GSN: variants seen among roughly 807,000 people sequenced by gnomAD.
GSN encodes the protein actin-depolymerizing factor.
Under a neutral mutation model 85.7 loss-of-function variants are expected in GSN, and 56 were observed. The ratio of observed to expected loss-of-function variants is 0.65; its 90% CI spans 0.53 to 0.82. GSN has a LOEUF of 0.82. Among genes scored for constraint, GSN ranks in the 40% least tolerant of loss-of-function variants. GSN has a pLI of 0.00. For synonymous variants in GSN, 373 were observed against 399.1 expected, an observed-to-expected ratio of 0.93 and a Z score of 0.78; for missense variants, 857 against 979.8, an observed-to-expected ratio of 0.87 and a Z score of 1.67.
At chr9:121,230,192 G>A (rs556174916) in intron 4 of GSN, among the ~76,000 whole-genome samples, 1 of 152,196 alleles carries the variant, frequency 6.6e-6, no homozygotes, top group East Asian at 1.9e-4. Context: ...TTTGTTTTCT[G>A]GTACCAGATA....
At position 121,321,264 on chromosome 9, in the gene GSN, G is replaced by A. The variant is rs1332132585; in HGVS notation, c.1192-4G>A. 2.5e-6 allele frequency: 4 copies of A among 1,613,906 alleles called. No homozygotes were observed. The highest frequency in any genetic ancestry group is 3.4e-6 in the Non-Finnish European group (4 of 1,180,004). On this transcript the variant is annotated splice_polypyrimidine_tract_variant and splice_region_variant and intron_variant, in intron 10 of 17. Transcript: ENST00000432226. ...AGCATCTGACTCCAGCTTTGCTCCT[G>A]CAGATCTGGAGAATCGAAGGTTCCA...
At chr9:121,327,031 G>T (rs1468635693) in intron 13 of GSN, 3 of 661,610 alleles carry the variant, frequency 4.5e-6, no homozygotes, top group South Asian at 1.6e-5. Flanking sequence ...GCAGCCTAGA[G>T]GGGAATGGGA....
chr9:121,239,545 A>G (rs1403656810), intron 5 of GSN: 6 of 287,200 alleles, frequency 2.1e-5, no homozygotes, highest in Middle Eastern at 4.5e-4. Flanking sequence ...GTAGTAACCC[A>G]GCAGCAGAGA....
At chr9:121,286,046 C>T in intron 2 of GSN, 6 of 1,422,728 alleles carry the variant, frequency 4.2e-6, no homozygotes, top group Non-Finnish European at 5.7e-6. Context: ...TGGCTTGGCA[C>T]AGCTATTTCC....
upstream of GSN, among the ~76,000 whole-genome samples, chr9:121,264,266 A>T (rs190696020): frequency 2.6e-5 from 4 of 152,090 alleles, no homozygotes; most frequent in East Asian, 7.7e-4. Flanking sequence ...CCAGTCTGGT[A>T]ACATAGAGAG....
At chr9:121,301,473 A>G (rs993556456) in intron 2 of GSN, among the ~76,000 whole-genome samples, 1 of 152,144 alleles carries the variant, frequency 6.6e-6, no homozygotes, top group African/African-American at 2.4e-5. Flanking sequence ...CTAAAAATAC[A>G]AAATTAGCCA....
rs1589249241 is a variant in GSN at position 121,329,445 on chromosome 9, G to T, written c.1965+130G>T. 4.2e-6 allele frequency: 3 copies of T among 708,294 alleles called. No individual in the cohort carries two copies. Among genetic ancestry groups the T allele is most frequent in the East Asian group, 5.3e-5 (2 of 37,464 alleles). The allele number at this position is 708,294 out of a possible 1,614,324, so 43.9% of individuals were successfully genotyped here. A position where few individuals can be genotyped will look rare whatever the true frequency, so the allele number is the denominator to read the frequency against. ...AGGTGTTGCCAGAAAAGTCTCTAAG[G>T]GTACTGGAAGTCACTTCTTCTTTCT... On this transcript the variant is annotated intron_variant, in intron 16 of 17. Coordinates refer to ENST00000432226, the MANE Select transcript of GSN (RefSeq NM_198252.3). The surrounding 1 kb of genome is among the most constrained non-coding windows in gnomAD (Gnocchi z 4.6).
chr9:121,315,359 T>C lies in GSN; in HGVS notation c.753+1336T>C, dbSNP rs2061593677. On this transcript the variant is annotated intron_variant, in intron 7 of 17. Transcript: ENST00000432226. ...CATTAGGATGTTCCACCTTTTCCAG[T>C]TGCAGACAGTCCCTCTTGGTGCACT... 1.3e-5 allele frequency among the ~76,000 whole-genome samples: 2 copies of C among 152,364 alleles called. 1 individual carries two copies. Among genetic ancestry groups the C allele is most frequent in the South Asian group, 4.1e-4 (2 of 4,832 alleles).
chr9:121,306,870 A>G (rs1564500302), intron 4 of GSN, among the ~76,000 whole-genome samples: 1 of 152,248 alleles, frequency 6.6e-6, no homozygotes, highest in Non-Finnish European at 1.5e-5. Flanking sequence ...CATGGCTGCA[A>G]TAATTCAACA....
chr9:121,286,683 A>AT, intron 2 of GSN: 1 of 1,535,136 alleles, frequency 6.5e-7, no homozygotes, highest in South Asian at 1.2e-5. Flanking sequence ...AAAGGAGACA[A>AT]TTTGTGATTG....
chr9:121,248,626 T>C (rs1286118027), intron 6 of GSN, among the ~76,000 whole-genome samples: 1 of 152,028 alleles, frequency 6.6e-6, no homozygotes, highest in African/African-American at 2.4e-5. Context: ...TAAAAATGGA[T>C]ACAATATGGA....
At chr9:121,282,267 A>T in intron 2 of GSN, 1 of 597,154 alleles carries the variant, frequency 1.7e-6, no homozygotes, top group Non-Finnish European at 3.0e-6. Flanking sequence ...GTGTGGACCC[A>T]ACGAGCTTGT....
chr9:121,293,655 G>T (rs1421425927), intron 2 of GSN, among the ~76,000 whole-genome samples: 1 of 145,552 alleles, frequency 6.9e-6, no homozygotes, highest in Non-Finnish European at 1.5e-5. Flanking sequence ...CCGAGATCAC[G>T]CCGCTGCACT....
chr9:121,325,860 A>G (rs2063091668), intron 12 of GSN, among the ~76,000 whole-genome samples: 1 of 152,074 alleles, frequency 6.6e-6, no homozygotes, highest in Admixed American at 6.6e-5. Flanking sequence ...AGTTCTCACC[A>G]TCAGGGTGGA....
intron 4 of GSN, among the ~76,000 whole-genome samples, chr9:121,215,027 CCTCT>C (rs1430645940): frequency 6.6e-6 from 1 of 152,116 alleles, no homozygotes; most frequent in Non-Finnish European, 1.5e-5. Context: ...AGCTGTGCTC[CCTCT>C]GAGACTGAGT....
At chr9:121,215,661 TCCAGCCTG>T (rs1236918278) in intron 4 of GSN, among the ~76,000 whole-genome samples, 11 of 151,064 alleles carry the variant, frequency 7.3e-5, no homozygotes, top group Non-Finnish European at 1.5e-5. Flanking sequence ...GCCACTGCAC[TCCAGCCTG>T]AGTGACAGAG....
chr9:121,229,964 A>C (rs146599796), intron 4 of GSN, among the ~76,000 whole-genome samples: 1 of 152,160 alleles, frequency 6.6e-6, no homozygotes, highest in East Asian at 1.9e-4. Flanking sequence ...TTTTTTATAC[A>C]CTCATGGACT....
Position 121,332,419 on chromosome 9 carries a change from C to T in GSN, c.2027-15C>T. On this transcript the variant is annotated splice_polypyrimidine_tract_variant and intron_variant, in intron 17 of 17. Transcript: ENST00000432226. The surrounding 1 kb of genome is among the most constrained non-coding windows in gnomAD (Gnocchi z 4.8). ...GAATTCCTGGGGTTTCCTTTTCTTGCACGTGTGTCTGCAGCTAAGCGGTAC... is the reference window on the plus strand; with the variant it reads ...GAATTCCTGGGGTTTCCTTTTCTTGTACGTGTGTCTGCAGCTAAGCGGTAC... The T allele has an allele frequency of 3.1e-6, 5 of 1,612,936 alleles. No individual in the cohort carries two copies. The highest frequency in any genetic ancestry group is 4.2e-6 in the Non-Finnish European group (5 of 1,178,914).
At position 121,332,721 on chromosome 9, in the gene GSN, GTTTC is replaced by G; in HGVS notation, c.*122_*125del. On this transcript the variant is annotated 3_prime_UTR_variant, in exon 18 of 18. Coordinates refer to ENST00000432226, the MANE Select transcript of GSN (RefSeq NM_198252.3). This position sits in a 1 kb window ranked among gnomAD's most constrained non-coding sequence, Gnocchi z 4.8. ...ATGAGTGTGTGTGTGTGTGTGTGTT[GTTTC>G]TTTTTTTTTTTTTTACAGTATCCAA... 3 of 664,036 alleles carry G rather than the reference GTTTC, an allele frequency of 4.5e-6. No homozygotes were observed. The highest frequency in any genetic ancestry group is 2.9e-5 in the East Asian group (1 of 34,118). The allele number at this position is 664,036 out of a possible 1,614,324, so 41.1% of individuals were successfully genotyped here.
Sources: gnomAD v4.1 joint callset for allele counts (sites outside exome capture counted in the v4.1 genomes callset) on GRCh38, gnomAD v4.1.1 for gene constraint, Gnocchi (gnomAD v3.1) non-coding constraint, MANE v1.5 for transcripts, NCBI Gene and HGNC (gene_info 2026-07-23, HGNC 2026-07-21) for gene names.